UBE3B: variants seen among roughly 807,000 people sequenced by gnomAD.
The protein encoded by UBE3B is ubiquitin-protein ligase E3B.
In UBE3B, 80 loss-of-function variants were observed where a neutral mutation model predicts 132.3. The ratio of observed to expected loss-of-function variants is 0.60; its 90% confidence interval spans 0.50 to 0.73. The LOEUF (loss-of-function observed/expected upper bound fraction) is 0.73. Ranked by LOEUF, UBE3B falls within the 30% of genes least tolerant of loss-of-function variation. The pLI is 0.00. For missense variants in UBE3B, 1,196 were observed against 1,362.5 expected (o/e 0.88, Z 1.92); for synonymous variants, 487 against 520.4 (o/e 0.94, Z 0.87).
chr12:109,524,603 G>A, intron 23 of UBE3B, 100 bp downstream of exon 23: 1 of 1,344,016 alleles, frequency 7.4e-7, no homozygotes, highest in Non-Finnish European at 1.0e-6. Context: ...CCAAGCTGAG[G>A]CTCTGTCTGG....
In UBE3B at chr12:109,486,038, C is replaced by T; in HGVS notation, c.309C>T (p.Ile103=). 1 of 1,555,248 alleles carries T rather than the reference C, an allele frequency of 6.4e-7. No homozygotes were observed. Among genetic ancestry groups the T allele is most frequent in the Non-Finnish European group, 8.7e-7 (1 of 1,148,720 alleles). ...GATTTGAGAAGTTGTGTCGCAGCAT[C>T]CTGAGCAGCATGGATGCTGAGAATG... ...NERFEKLCRS[I]LSSMDAENEP... Residue 103 remains isoleucine, a synonymous_variant, in exon 5 of 28, where the codon ATC becomes ATT. Transcript: ENST00000342494.
Position 109,530,086 on chromosome 12 carries a change from G to C in UBE3B, c.2810+14G>C, listed in dbSNP as rs11067105. On this transcript the variant is annotated intron_variant, in intron 25 of 27. Coordinates refer to ENST00000342494, the MANE Select transcript of UBE3B (RefSeq NM_130466.4). ...GGAAGATTTAAAGTAAGAGGCGGGTGGGGGGAAGGGTGAAATTCCTTGGCC... is the reference window on the plus strand; with the variant it reads ...GGAAGATTTAAAGTAAGAGGCGGGTCGGGGGAAGGGTGAAATTCCTTGGCC... 2,751 of 1,611,514 alleles carry C rather than the reference G, an allele frequency of 1.7e-3. 71 individuals are homozygous for C. The East Asian group carries it at 0.055, about 32-fold the overall frequency.
rs375736666 is a variant in UBE3B at position 109,506,433 on chromosome 12, C to T, written c.1451-1131C>T. Among the ~76,000 whole-genome samples, 7 of 152,328 alleles carry T rather than the reference C, an allele frequency of 4.6e-5. No homozygotes were observed. In the East Asian group the frequency reaches 7.7e-4, roughly 17 times the overall value. ...GTGCGATCTCGGCTCACTGCAACCT[C>T]TGCCTCCCAGGTTCAAGCGATTCTC... On this transcript the variant is annotated intron_variant, in intron 14 of 27. Transcript: ENST00000342494.
At chr12:109,498,847 A>G (rs1878577448) in intron 11 of UBE3B, among the ~76,000 whole-genome samples, 1 of 150,766 alleles carries the variant, frequency 6.6e-6, no homozygotes, top group South Asian at 2.1e-4. Context: ...TTTTTTGAAG[A>G]CAGGGTCTCA....
chr12:109,489,828 G>A, intron 7 of UBE3B, 91 bp from the exon 8 acceptor site: 1 of 1,214,154 alleles, frequency 8.2e-7, no homozygotes, highest in Non-Finnish European at 1.2e-6. Flanking sequence ...ATTTCTTAGG[G>A]CCTCGGATGT....
intron 19 of UBE3B, 29 bp downstream of exon 19, chr12:109,516,913 A>G (rs1486074688): frequency 2.5e-6 from 4 of 1,608,808 alleles, no homozygotes; most frequent in Admixed American, 1.7e-5. Context: ...GAATCCTACC[A>G]CAAGGAAGTG....
At chr12:109,536,724 C>T (rs753981947), downstream of UBE3B, 2 of 152,212 alleles carry the variant, frequency 1.3e-5, no homozygotes, top group African/African-American at 4.8e-5. Context: ...TTCTGCATTT[C>T]ATTCCGCCAT....
chr12:109,518,041 T>A, intron 19 of UBE3B: 1 of 379,460 alleles, frequency 2.6e-6, no homozygotes. Context: ...AAGGGCCCAC[T>A]GGGCCCTGCA....
At chr12:109,489,809 G>A in intron 7 of UBE3B, 110 bp from the exon 8 acceptor site, 1 of 987,120 alleles carries the variant, frequency 1.0e-6, no homozygotes, top group Non-Finnish European at 1.6e-6. Flanking sequence ...GCAAGCCAGG[G>A]GGTATCTCAT....
intron 27 of UBE3B, chr12:109,533,886 G>A: frequency 1.5e-6 from 2 of 1,330,354 alleles, no homozygotes; most frequent in Non-Finnish European, 2.0e-6. Context: ...ATGGGAGAAA[G>A]TGAGAGAGTG....
intron 10 of UBE3B, 78 bp downstream of exon 10, chr12:109,498,001 G>T: frequency 6.7e-7 from 1 of 1,493,224 alleles, no homozygotes; most frequent in Non-Finnish European, 9.3e-7. Context: ...AAGTAAAATG[G>T]CTTCTCTGCT....
intron 24 of UBE3B, chr12:109,528,447 G>A: frequency 4.1e-6 from 4 of 985,140 alleles, no homozygotes; most frequent in Non-Finnish European, 4.8e-6. Flanking sequence ...TTTAAATAGG[G>A]ATATTTTTGA....
rs768821990 is a variant in UBE3B at position 109,491,086 on chromosome 12, A to G, written c.672A>G (p.Leu224=). The G allele has an allele frequency of 9.9e-6, 16 of 1,614,114 alleles. No homozygotes were observed. The highest frequency in any genetic ancestry group is 5.5e-5 in the South Asian group (5 of 91,074). Reference sequence around the variant, plus strand: ...GCCTGGCAAGACCCCGTCCTTGTCTATCCAAAGGCACTTTAACAGCAGCTT... The same window carrying G: ...GCCTGGCAAGACCCCGTCCTTGTCTGTCCAAAGGCACTTTAACAGCAGCTT... ...TRGLARPRPC[L]SKGTLTAAFS... The change falls in exon 9 of 28, where the codon CTA becomes CTG. Residue 224 remains leucine, a synonymous_variant. Transcript: ENST00000342494.
chr12:109,508,179 A>T (rs1879919284), intron 15 of UBE3B, among the ~76,000 whole-genome samples: 1 of 152,230 alleles, frequency 6.6e-6, no homozygotes, highest in South Asian at 2.1e-4. Flanking sequence ...GGGAATGACA[A>T]TAGCACATAC....
chr12:109,523,241 G>A (rs1236560317), intron 21 of UBE3B, among the ~76,000 whole-genome samples: 6 of 152,350 alleles, frequency 3.9e-5, no homozygotes, highest in African/African-American at 1.4e-4. Context: ...CCCTGGCACA[G>A]TCTGTCGGCG....
intron 14 of UBE3B, among the ~76,000 whole-genome samples, chr12:109,506,965 A>C (rs1879769243): frequency 6.6e-6 from 1 of 152,182 alleles, no homozygotes; most frequent in South Asian, 2.1e-4. Context: ...TCTGTACCTC[A>C]CTTCAGTTTT....
At position 109,511,258 on chromosome 12, in the gene UBE3B, A is replaced by G. The variant is rs373314734; in HGVS notation, c.1911A>G (p.Ala637=). Reference sequence around the variant, plus strand: ...AACTCGACAGGGACAGAAAACGGGCACAGTTGATCCTGCAGTACATCCCAC... The same window carrying G: ...AACTCGACAGGGACAGAAAACGGGCGCAGTTGATCCTGCAGTACATCCCAC... ...FQELDRDRKR[A]QLILQYIPHV... Residue 637 remains alanine, a synonymous_variant, in exon 18 of 28, where the codon GCA becomes GCG. Transcript: ENST00000342494. 1.2e-5 allele frequency: 20 copies of G among 1,614,058 alleles called. No homozygotes were observed. In the African/African-American group the frequency reaches 2.7e-4, roughly 22 times the overall value.
At chr12:109,480,356 A>G (rs1875160738) in intron 1 of UBE3B, among the ~76,000 whole-genome samples, 1 of 152,148 alleles carries the variant, frequency 6.6e-6, no homozygotes, top group Non-Finnish European at 1.5e-5. Context: ...ATGAAGATGG[A>G]AAGACTCAGG....
At chr12:109,528,531 G>A in intron 24 of UBE3B, 1 of 981,144 alleles carries the variant, frequency 1.0e-6, no homozygotes, top group Non-Finnish European at 1.2e-6. Flanking sequence ...AGTCATACGT[G>A]GGCCGGGCTC....
Sources: gnomAD v4.1 joint callset for allele counts (sites outside exome capture counted in the v4.1 genomes callset) on GRCh38, gnomAD v4.1.1 for gene constraint, MANE v1.5 for transcripts, NCBI Gene and HGNC (gene_info 2026-07-23, HGNC 2026-07-21) for gene names.